Variants in GPHN observed in about 807,000 individuals in gnomAD.
The protein encoded by GPHN is gephyrin.
In GPHN, 17 loss-of-function variants were observed where a neutral mutation model predicts 95.5. The observed-to-expected ratio is 0.18, with a 90% CI of 0.12 to 0.27. GPHN has a LOEUF of 0.27. Among genes scored for constraint, GPHN ranks in the 10% least tolerant of loss-of-function variants. The probability of loss-of-function intolerance (pLI) is 1.00; values close to 1 mark genes in which losing one functional copy is unlikely to be tolerated. For missense variants in GPHN, 660 were observed against 978.1 expected (o/e 0.67, Z 4.34); for synonymous variants, 320 against 322.5 (o/e 0.99, Z 0.08).
intron 8 of GPHN, among the ~76,000 whole-genome samples, chr14:66,960,293 C>CTTTTTTTTTTTTTTTTTT (rs1567153321): frequency 6.9e-6 from 1 of 145,208 alleles, no homozygotes; most frequent in African/African-American, 2.5e-5. Flanking sequence ...TTTTTTTTTT[C>CTTTTTTTTTTTTTTTTTT]CCTGTGTACA....
the GPHN span, among the ~76,000 whole-genome samples, chr14:67,669,030 A>G: frequency 3.9e-5 from 6 of 152,294 alleles, no homozygotes; most frequent in African/African-American, 1.4e-4. Context: ...TAGTAGCTCT[A>G]TTATCAGGCA....
At chr14:66,840,335 C>T (rs896389569) in intron 4 of GPHN, among the ~76,000 whole-genome samples, 6 of 151,998 alleles carry the variant, frequency 3.9e-5, no homozygotes. Flanking sequence ...TATAAGTATA[C>T]ATTCCCCCAA....
At chr14:67,045,908 A>C (rs1235907507) in intron 10 of GPHN, among the ~76,000 whole-genome samples, 2 of 152,062 alleles carry the variant, frequency 1.3e-5, no homozygotes, top group African/African-American at 4.8e-5. Flanking sequence ...CTGAATTCTT[A>C]ACTTTAGAAA....
At chr14:66,593,935 C>T (rs2061866163) in intron 1 of GPHN, among the ~76,000 whole-genome samples, 1 of 152,052 alleles carries the variant, frequency 6.6e-6, no homozygotes, top group South Asian at 2.1e-4. Context: ...AAAGACTCCA[C>T]CAAAAACCTG....
At chr14:66,573,089 G>A (rs1221129291) in intron 1 of GPHN, among the ~76,000 whole-genome samples, 4 of 152,162 alleles carry the variant, frequency 2.6e-5, no homozygotes, top group South Asian at 2.1e-4. Context: ...CTTCTTAAAT[G>A]TATTGAAACT....
At chr14:67,044,783 C>T (rs2074910921) in intron 10 of GPHN, among the ~76,000 whole-genome samples, 2 of 151,728 alleles carry the variant, frequency 1.3e-5, no homozygotes, top group Admixed American at 1.3e-4. Flanking sequence ...CTGTCTCTCT[C>T]TCTGTCTTTC....
At chr14:66,621,019 C>T (rs2153315402) in intron 1 of GPHN, among the ~76,000 whole-genome samples, 1 of 152,214 alleles carries the variant, frequency 6.6e-6, no homozygotes, top group Non-Finnish European at 1.5e-5. Flanking sequence ...GGCTGGAGTG[C>T]ACTGGCGTGA....
At chr14:67,695,727 G>C in the GPHN span, 24 of 1,611,296 alleles carry the variant, frequency 1.5e-5, no homozygotes, top group Admixed American at 1.7e-4. Flanking sequence ...AGCGGCACCA[G>C]AGCGGGATGC....
chr14:67,147,473 A>C (rs2080966193), intron 18 of GPHN, among the ~76,000 whole-genome samples: 1 of 152,074 alleles, frequency 6.6e-6, no homozygotes, highest in Non-Finnish European at 1.5e-5. Flanking sequence ...TTCTCTTTTG[A>C]GATACATATG....
At chr14:67,352,841 T>C in the GPHN span, 14 of 796,500 alleles carry the variant, frequency 1.8e-5, no homozygotes, top group African/African-American at 3.9e-5. Flanking sequence ...TTAATTAAAA[T>C]AACAACAACA....
At chr14:66,855,011 C>T (rs1172633593) in intron 4 of GPHN, among the ~76,000 whole-genome samples, 4 of 151,978 alleles carry the variant, frequency 2.6e-5, no homozygotes, top group Non-Finnish European at 5.9e-5. Context: ...CCAAGCCCAG[C>T]TAATTTTTGT....
chr14:66,545,497 G>A (rs1249435311), intron 1 of GPHN, among the ~76,000 whole-genome samples: 2 of 128,660 alleles, frequency 1.6e-5, no homozygotes, highest in South Asian at 2.5e-4. Flanking sequence ...CGGGGCGGCT[G>A]GCCGGGCGGG....
intron 2 of GPHN, among the ~76,000 whole-genome samples, chr14:66,683,154 A>T (rs1411137661): frequency 1.3e-5 from 2 of 151,122 alleles, no homozygotes; most frequent in African/African-American, 2.4e-5. Flanking sequence ...AGTATGTAAG[A>T]ATGTCAGCAT....
chr14:67,232,936 G>A, the GPHN span, among the ~76,000 whole-genome samples: 2 of 152,108 alleles, frequency 1.3e-5, no homozygotes, highest in South Asian at 4.2e-4. Flanking sequence ...CCTAGCACCA[G>A]CTACAGATTT....
intron 9 of GPHN, chr14:66,996,165 C>G (rs747144695): frequency 6.5e-7 from 1 of 1,529,910 alleles, no homozygotes; most frequent in South Asian, 1.2e-5. Flanking sequence ...CTTTTCCCCA[C>G]TGCAAAACCA....
intron 8 of GPHN, among the ~76,000 whole-genome samples, chr14:66,927,484 A>C (rs936711906): frequency 6.6e-6 from 1 of 152,284 alleles, no homozygotes; most frequent in Admixed American, 6.5e-5. Flanking sequence ...ATCATCAGCA[A>C]ACCAGGATAA....
rs113780450 is a variant in GPHN at position 66,955,427 on chromosome 14, T to C, written c.829-9764T>C. On this transcript the variant is annotated intron_variant, in intron 8 of 22. Coordinates refer to ENST00000478722, the MANE Select transcript of GPHN (RefSeq NM_020806.5). ...GTATTTAATTATTATGAAATAATCATCTGGTAGTCATTTCATTTCGGTAAG... is the reference window on the plus strand; with the variant it reads ...GTATTTAATTATTATGAAATAATCACCTGGTAGTCATTTCATTTCGGTAAG... 3.1e-3 allele frequency among the ~76,000 whole-genome samples: 474 copies of C among 152,346 alleles called. 11 individuals carry two copies. Among genetic ancestry groups the C allele is most frequent in the African/African-American group, 0.011 (447 of 41,588 alleles).
At chr14:66,982,842 T>A (rs1030436456) in intron 9 of GPHN, among the ~76,000 whole-genome samples, 2 of 152,222 alleles carry the variant, frequency 1.3e-5, no homozygotes, top group Non-Finnish European at 2.9e-5. Context: ...TAGAAAAGTA[T>A]GAATAAAAAT....
chr14:66,660,115 T>C (rs2065552520), intron 1 of GPHN, among the ~76,000 whole-genome samples: 1 of 152,168 alleles, frequency 6.6e-6, no homozygotes, highest in South Asian at 2.1e-4. Flanking sequence ...TGTGTGTGTG[T>C]GTATAAAATT....
Sources: allele counts gnomAD v4.1 joint callset (sites outside exome capture counted in the v4.1 genomes callset), GRCh38; gene constraint gnomAD v4.1.1; transcripts MANE v1.5; gene names NCBI Gene and HGNC (gene_info 2026-07-23, HGNC 2026-07-21).